The following SLC12A7 variants were observed in gnomAD, a reference collection of about 807,000 sequenced individuals.
SLC12A7 encodes K-Cl cotransporter 4.
A neutral mutation model predicts 120.6 loss-of-function variants in SLC12A7; 100 were observed. That is an observed-to-expected ratio of 0.83 (90% CI 0.71 to 0.98). The LOEUF is 0.98. Ranked by LOEUF, SLC12A7 falls within the 50% of genes least tolerant of loss-of-function variation. The probability of loss-of-function intolerance (pLI) is 0.00; values close to 1 mark genes in which losing one functional copy is unlikely to be tolerated. For missense variants in SLC12A7, 1,373 were observed against 1,548.1 expected (o/e 0.89, Z 1.90); for synonymous variants, 760 against 678.0 (o/e 1.12, Z -1.88).
chr5:1,143,017 G>A, the SLC12A7 span, among the ~76,000 whole-genome samples: 4 of 151,566 alleles, frequency 2.6e-5, no homozygotes, highest in Admixed American at 6.6e-5. Flanking sequence ...GGCCAAAGAA[G>A]GCTTGTTCCC....
intron 22 of SLC12A7, among the ~76,000 whole-genome samples, chr5:1,056,221 C>T (rs1164148959): frequency 6.6e-6 from 1 of 152,214 alleles, no homozygotes; most frequent in Non-Finnish European, 1.5e-5. Context: ...ACTCAGCTAG[C>T]GCCTGACCCA....
intron 17 of SLC12A7, among the ~76,000 whole-genome samples, chr5:1,073,296 A>T (rs530097250): frequency 6.7e-6 from 1 of 148,592 alleles, no homozygotes; most frequent in Non-Finnish European, 1.5e-5. Flanking sequence ...CATCACACTT[A>T]TGCAGCCCCC....
At chr5:1,065,022 GGGACA>G (rs1736859765) in intron 18 of SLC12A7, among the ~76,000 whole-genome samples, 1 of 142,792 alleles carries the variant, frequency 7.0e-6, no homozygotes, top group Admixed American at 6.9e-5. Flanking sequence ...GAGGGGACAC[GGGACA>G]GTGAGGGGAC....
chr5:1,054,726 C>T (rs1030760073), intron 22 of SLC12A7, among the ~76,000 whole-genome samples: 2 of 152,220 alleles, frequency 1.3e-5, no homozygotes, highest in African/African-American at 2.4e-5. Context: ...TATCCAGGCT[C>T]ACGCCCTTTG....
intron 2 of SLC12A7, 142 bp downstream of exon 2, chr5:1,094,003 CCACAGCCTT>C: frequency 1.5e-6 from 1 of 648,882 alleles, no homozygotes; most frequent in Non-Finnish European, 2.7e-6. Context: ...TGGGCCCCCG[CCACAGCCTT>C]CAGGACAGGG....
intron 20 of SLC12A7, among the ~76,000 whole-genome samples, chr5:1,061,420 C>T (rs1486271126): frequency 1.6e-5 from 1 of 63,814 alleles, no homozygotes; most frequent in South Asian, 5.4e-4. Context: ...CCATGCGGGA[C>T]CCCTGCGTCT....
the SLC12A7 span, among the ~76,000 whole-genome samples, chr5:1,145,039 T>G: frequency 6.6e-6 from 1 of 152,244 alleles, no homozygotes; most frequent in Non-Finnish European, 1.5e-5. This position sits in a 1 kb window ranked among gnomAD's most constrained non-coding sequence, Gnocchi z 4.4. Context: ...AAGGAGCATG[T>G]GCTGTCGGCA....
chr5:1,060,483 G>T, intron 20 of SLC12A7, 32 bp from the exon 21 acceptor site: 6 of 1,531,392 alleles, frequency 3.9e-6, no homozygotes, highest in Non-Finnish European at 5.4e-6. Context: ...AGTAAGCCCG[G>T]TGTGCACAGA....
At chr5:1,092,241 C>T (rs1740606496) in intron 3 of SLC12A7, among the ~76,000 whole-genome samples, 1 of 152,274 alleles carries the variant, frequency 6.6e-6, no homozygotes, top group African/African-American at 2.4e-5. Context: ...GACTTCCCGA[C>T]TGCTGTGTGG....
chr5:1,059,979 G>A (rs1303854580), intron 21 of SLC12A7, among the ~76,000 whole-genome samples: 1 of 152,188 alleles, frequency 6.6e-6, no homozygotes, highest in Non-Finnish European at 1.5e-5. Flanking sequence ...CCTGTCAGAG[G>A]GCACTGCCCT....
At chr5:1,137,657 C>A in the SLC12A7 span, among the ~76,000 whole-genome samples, 2 of 152,248 alleles carry the variant, frequency 1.3e-5, no homozygotes, top group Non-Finnish European at 2.9e-5. Context: ...AGGGCCCGCC[C>A]CAGGACTTCG....
rs914005218 is a variant in SLC12A7 at position 1,090,329 on chromosome 5, G to A, written c.343-1201C>T. ...AAATAATGTAAGAGCAGCTCGGAGCGTGGGAAGCCCTGGATCTGAGAGCCT... is the reference window on the plus strand; with the variant it reads ...AAATAATGTAAGAGCAGCTCGGAGCATGGGAAGCCCTGGATCTGAGAGCCT... On this transcript the variant is annotated intron_variant, in intron 3 of 23. Transcript: ENST00000264930. Among the ~76,000 whole-genome samples the A allele has an allele frequency of 8.5e-5, 13 of 152,332 alleles. No individual in the cohort carries two copies. The East Asian group carries it at 1.9e-3, about 23-fold the overall frequency.
rs376161247 is a variant in SLC12A7, at chr5:1,085,508, G to A, written c.676-35C>T. ...CAAGGCCGGTCGGGAGGCCGTCCCC[G>A]GACACAACTCCCCAGTGCCCGTCCC... On this transcript the variant is annotated intron_variant, in intron 6 of 23. Coordinates refer to ENST00000264930, the MANE Select transcript of SLC12A7 (RefSeq NM_006598.3). 8.0e-4 allele frequency: 1,242 copies of A among 1,550,214 alleles called. 8 individuals carry two copies. In the African/African-American group the frequency reaches 0.013, roughly 16 times the overall value.
chr5:1,088,919 G>C, intron 4 of SLC12A7, 63 bp downstream of exon 4: 1 of 1,598,164 alleles, frequency 6.3e-7, no homozygotes, highest in Non-Finnish European at 8.5e-7. Flanking sequence ...CATCTGGGGA[G>C]AGCCCTACTG....
At chr5:1,141,432 T>TGCCACGGGCACCACAGCC in the SLC12A7 span, among the ~76,000 whole-genome samples, 76 of 152,120 alleles carry the variant, frequency 5.0e-4, no homozygotes, top group Non-Finnish European at 9.1e-4. Flanking sequence ...CCGTCCCTGC[T>TGCCACGGGCACCACAGCC]GCCACGGGCA....
At chr5:1,080,350 C>T (rs568467835) in intron 9 of SLC12A7, among the ~76,000 whole-genome samples, 1 of 121,038 alleles carries the variant, frequency 8.3e-6, no homozygotes, top group African/African-American at 2.9e-5. Context: ...GCGGAGCGCA[C>T]TCAGACGGAC....
In SLC12A7 at chr5:1,094,134, C is replaced by T. The variant is rs779260205; in HGVS notation, c.219+20G>A. On this transcript the variant is annotated intron_variant, in intron 2 of 23. Coordinates refer to ENST00000264930, the MANE Select transcript of SLC12A7 (RefSeq NM_006598.3). ...AAAGCAACGGCCCTGGCACCTTCTT[C>T]TTCTAAAAAGTAAAGTTACCTCGAA... The T allele has an allele frequency of 3.1e-6, 5 of 1,599,120 alleles. No homozygotes were observed. The highest frequency in any genetic ancestry group is 3.4e-6 in the Non-Finnish European group (4 of 1,167,192).
intron 3 of SLC12A7, among the ~76,000 whole-genome samples, chr5:1,091,736 G>A (rs1740530099): frequency 1.3e-5 from 2 of 152,068 alleles, no homozygotes; most frequent in Non-Finnish European, 2.9e-5. Context: ...TCCACGTGCG[G>A]CACGGCAATA....
the SLC12A7 span, among the ~76,000 whole-genome samples, chr5:1,139,424 C>A: frequency 6.6e-6 from 1 of 152,266 alleles, no homozygotes; most frequent in African/African-American, 2.4e-5. Context: ...AACCAAGAGG[C>A]GGCTCAGCCT....
Sources: allele counts gnomAD v4.1 joint callset (sites outside exome capture counted in the v4.1 genomes callset), GRCh38; gene constraint gnomAD v4.1.1; non-coding constraint Gnocchi (gnomAD v3.1); transcripts MANE v1.5; gene names NCBI Gene and HGNC (gene_info 2026-07-23, HGNC 2026-07-21).